The following PPFIBP2 variants were observed in gnomAD, a reference collection of about 807,000 sequenced individuals.
PPFIBP2 encodes the protein PPFIB scaffold protein 2.
PPFIBP2 carries 118 observed loss-of-function variants against 118.3 expected under a neutral mutation model. That is an observed-to-expected ratio of 1.00 (90% CI 0.86 to 1.16). The LOEUF (loss-of-function observed/expected upper bound fraction) is 1.16. Among genes scored for constraint, PPFIBP2 ranks in the 50% most tolerant of loss-of-function variants. PPFIBP2 has a pLI of 0.00. For missense variants in PPFIBP2, 1,195 were observed against 1,073.1 expected (o/e 1.11, Z -1.59); for synonymous variants, 414 against 397.4 (o/e 1.04, Z -0.50).
At chr11:7,600,348 A>C (rs887251686) in intron 5 of PPFIBP2, among the ~76,000 whole-genome samples, 11 of 152,182 alleles carry the variant, frequency 7.2e-5, no homozygotes, top group African/African-American at 2.7e-4. Flanking sequence ...GCTTTCCTGA[A>C]GTCTGTTTGA....
intron 7 of PPFIBP2, among the ~76,000 whole-genome samples, chr11:7,621,822 G>A (rs999324716): frequency 2.0e-5 from 3 of 152,202 alleles, no homozygotes; most frequent in African/African-American, 7.2e-5. Context: ...ATTACTGGAT[G>A]TTTTTATTAG....
At chr11:7,665,366 T>G in the PPFIBP2 span, 32 of 1,496,724 alleles carry the variant, frequency 2.1e-5, no homozygotes, top group Non-Finnish European at 2.8e-5. Context: ...GCTGAGCACG[T>G]GGAGGTGTTA....
At chr11:7,516,226 T>C (rs1849218078) in intron 1 of PPFIBP2, among the ~76,000 whole-genome samples, 1 of 151,700 alleles carries the variant, frequency 6.6e-6, no homozygotes. Flanking sequence ...AAAAAGACAG[T>C]GGGGGCGGCG....
At chr11:7,651,009 G>T in intron 22 of PPFIBP2, 44 bp downstream of exon 22, 1 of 1,584,514 alleles carries the variant, frequency 6.3e-7, no homozygotes. Flanking sequence ...GGTGCAAATG[G>T]GATATTCAGA....
downstream of PPFIBP2, among the ~76,000 whole-genome samples, chr11:7,654,826 C>T (rs1308265046): frequency 1.3e-5 from 2 of 152,212 alleles, no homozygotes; most frequent in Non-Finnish European, 2.9e-5. Context: ...AAGTCCTGTT[C>T]CCTTTGTGGG....
chr11:7,588,210 G>T (rs1858565095), intron 3 of PPFIBP2, among the ~76,000 whole-genome samples: 1 of 152,148 alleles, frequency 6.6e-6, no homozygotes, highest in African/African-American at 2.4e-5. Context: ...GTAGGGACAG[G>T]ACCTGGTTTA....
At chr11:7,628,804 A>G (rs1850366511) in intron 9 of PPFIBP2, among the ~76,000 whole-genome samples, 1 of 152,208 alleles carries the variant, frequency 6.6e-6, no homozygotes, top group Admixed American at 6.5e-5. Context: ...AGCCACCTCT[A>G]TAAATAAAGA....
At chr11:7,610,517 T>C (rs974505104) in intron 6 of PPFIBP2, 95 bp downstream of exon 6, 31 of 1,523,028 alleles carry the variant, frequency 2.0e-5, no homozygotes, top group Non-Finnish European at 2.6e-5. Flanking sequence ...CTGGAAGCTA[T>C]TGGGTGCCAG....
At chr11:7,581,275 C>T (rs574586696) in intron 3 of PPFIBP2, among the ~76,000 whole-genome samples, 45 of 152,346 alleles carry the variant, frequency 3.0e-4, no homozygotes, top group South Asian at 8.3e-4. Context: ...AAAATAGCTC[C>T]GAGCAGGGTC....
At chr11:7,536,256 C>G (rs1851203001) in intron 1 of PPFIBP2, among the ~76,000 whole-genome samples, 1 of 152,138 alleles carries the variant, frequency 6.6e-6, no homozygotes, top group Non-Finnish European at 1.5e-5. Context: ...AATGGGAACA[C>G]AAGCGGCTGG....
chr11:7,643,593 T>C (rs1199793957), intron 17 of PPFIBP2, among the ~76,000 whole-genome samples: 3 of 152,240 alleles, frequency 2.0e-5, no homozygotes, highest in East Asian at 3.8e-4. Context: ...GAGATTGTTA[T>C]GTTTATCGTA....
chr11:7,648,665 C>T, intron 18 of PPFIBP2, 128 bp downstream of exon 18: 2 of 1,474,336 alleles, frequency 1.4e-6, no homozygotes, highest in Non-Finnish European at 1.9e-6. Flanking sequence ...TCCTCTGTAG[C>T]TGCAGGTTGG....
chr11:7,662,673 T>G, the PPFIBP2 span, among the ~76,000 whole-genome samples: 1 of 146,772 alleles, frequency 6.8e-6, no homozygotes, highest in South Asian at 2.3e-4. Flanking sequence ...TCTCTGTATT[T>G]CCTGAATCTG....
Position 7,632,911 on chromosome 11 carries a change from G to A in PPFIBP2, c.1113G>A (p.Leu371=). The change falls in exon 12 of 24, where the codon TTG becomes TTA. Residue 371 remains leucine (L), a synonymous_variant. Coordinates refer to ENST00000299492, the MANE Select transcript of PPFIBP2 (RefSeq NM_003621.5). ...CSSPTVGPPP[L]PQKSLETRAQ... ...CTCCTACAGTGGGGCCACCTCCATT[G>A]CCACAGAAATCACTGGAAACCAGGT... is the stretch of plus-strand genomic sequence containing the variant. 2 of 1,613,854 alleles carry A rather than the reference G, an allele frequency of 1.2e-6. No individual in the cohort carries two copies. Among genetic ancestry groups the A allele is most frequent in the Non-Finnish European group, 1.7e-6 (2 of 1,179,802 alleles).
At chr11:7,640,807 G>A (rs1852075250) in intron 15 of PPFIBP2, among the ~76,000 whole-genome samples, 1 of 152,142 alleles carries the variant, frequency 6.6e-6, no homozygotes, top group South Asian at 2.1e-4. Context: ...CTGTCACAAA[G>A]GGGCCCCAGG....
intron 2 of PPFIBP2, among the ~76,000 whole-genome samples, chr11:7,556,221 C>G (rs891067120): frequency 1.3e-5 from 2 of 152,056 alleles, no homozygotes; most frequent in Non-Finnish European, 2.9e-5. Flanking sequence ...TTTGGGAGGC[C>G]GAGGCGGGCG....
intron 2 of PPFIBP2, among the ~76,000 whole-genome samples, chr11:7,550,496 C>T (rs2134543091): frequency 6.6e-6 from 1 of 152,284 alleles, no homozygotes; most frequent in Non-Finnish European, 1.5e-5. Flanking sequence ...ATGCCTGTGT[C>T]TTGCAGCTTC....
At chr11:7,654,943 G>A (rs1854545240), downstream of PPFIBP2, among the ~76,000 whole-genome samples, 1 of 152,180 alleles carries the variant, frequency 6.6e-6, no homozygotes, top group Non-Finnish European at 1.5e-5. Flanking sequence ...AGGGAAGGAG[G>A]AAGAGACCAG....
At chr11:7,628,057 A>G (rs776506615) in intron 8 of PPFIBP2, among the ~76,000 whole-genome samples, 104 of 152,320 alleles carry the variant, frequency 6.8e-4, no homozygotes, top group Middle Eastern at 3.4e-3. Context: ...GATTTTGCCC[A>G]TAAATGTCTA....
Sources: allele counts gnomAD v4.1 joint callset (sites outside exome capture counted in the v4.1 genomes callset), GRCh38; gene constraint gnomAD v4.1.1; transcripts MANE v1.5; gene names NCBI Gene and HGNC (gene_info 2026-07-23, HGNC 2026-07-21).